The following MTUS1 variants were observed in gnomAD, a reference collection of about 807,000 sequenced individuals.
The protein encoded by MTUS1 is microtubule associated scaffold protein 1.
MTUS1 carries 109 observed loss-of-function variants against 120.8 expected under a neutral mutation model. The observed-to-expected ratio is 0.90, with a 90% CI of 0.77 to 1.06. The LOEUF (loss-of-function observed/expected upper bound fraction) is 1.06. Among genes scored for constraint, MTUS1 ranks in the 50% least tolerant of loss-of-function variants. MTUS1 has a pLI of 0.00. For missense variants in MTUS1, 2,210 were observed against 1,486.3 expected, an observed-to-expected ratio of 1.49 and a Z score of -8.01; for synonymous variants, 737 against 550.5, an observed-to-expected ratio of 1.34 and a Z score of -4.74.
chr8:17,651,243 T>A (rs1806927867), intron 12 of MTUS1, among the ~76,000 whole-genome samples: 1 of 152,054 alleles, frequency 6.6e-6, no homozygotes, highest in African/African-American at 2.4e-5. Flanking sequence ...CATACAAACA[T>A]ACAGTTAGAC....
intron 4 of MTUS1, chr8:17,721,864 G>T: frequency 6.2e-7 from 1 of 1,614,000 alleles, no homozygotes; most frequent in Non-Finnish European, 8.5e-7. Context: ...AGAAATATCA[G>T]TTTCTGTACA....
chr8:17,689,464 C>T (rs3862097), intron 6 of MTUS1, among the ~76,000 whole-genome samples: 21,271 of 152,084 alleles, frequency 0.14, 1,594 homozygotes, highest in South Asian at 0.26. Context: ...GGGTTAATTA[C>T]GCTTATAAAA....
At chr8:17,759,251 C>A (rs1489847923) in intron 1 of MTUS1, among the ~76,000 whole-genome samples, 1 of 151,604 alleles carries the variant, frequency 6.6e-6, no homozygotes, top group African/African-American at 2.4e-5. Flanking sequence ...TTTGTTTTTA[C>A]CAGTTGTCTT....
chr8:17,791,847 T>C (rs536660580), intron 1 of MTUS1, among the ~76,000 whole-genome samples: 2 of 152,314 alleles, frequency 1.3e-5, no homozygotes, highest in East Asian at 3.9e-4. Flanking sequence ...TCAGAAGATT[T>C]AATTTAAAAC....
At chr8:17,761,700 T>G (rs1192390633) in intron 1 of MTUS1, among the ~76,000 whole-genome samples, 1 of 152,230 alleles carries the variant, frequency 6.6e-6, no homozygotes, top group Non-Finnish European at 1.5e-5. Context: ...AGAACTGGCT[T>G]CATTACTTTA....
At chr8:17,747,039 TTTCAA>T (rs2047812170) in intron 2 of MTUS1, among the ~76,000 whole-genome samples, 1 of 152,204 alleles carries the variant, frequency 6.6e-6, no homozygotes, top group African/African-American at 2.4e-5. Flanking sequence ...TCTCTCCAGC[TTTCAA>T]TTCATCTTTT....
intron 1 of MTUS1, among the ~76,000 whole-genome samples, chr8:17,761,741 T>C (rs899556409): frequency 1.3e-5 from 2 of 152,218 alleles, no homozygotes; most frequent in East Asian, 3.9e-4. Flanking sequence ...TTACTACTTA[T>C]TTATGTTAAT....
chr8:17,734,428 G>A (rs1338710314), intron 3 of MTUS1, among the ~76,000 whole-genome samples: 1 of 152,068 alleles, frequency 6.6e-6, no homozygotes, highest in Non-Finnish European at 1.5e-5. Flanking sequence ...AACACGGCAA[G>A]TCTTAAGACT....
chr8:17,688,828 A>G, intron 6 of MTUS1, among the ~76,000 whole-genome samples: 1 of 152,230 alleles, frequency 6.6e-6, no homozygotes, highest in East Asian at 1.9e-4. Context: ...CTATTTACAT[A>G]TAATATTTTT....
chr8:17,775,582 T>C (rs1014557875), intron 1 of MTUS1, among the ~76,000 whole-genome samples: 3 of 152,254 alleles, frequency 2.0e-5, no homozygotes, highest in Non-Finnish European at 4.4e-5. Context: ...AGTTCTTTGT[T>C]AAAATCTTCA....
At chr8:17,698,846 C>T (rs184702499) in intron 6 of MTUS1, among the ~76,000 whole-genome samples, 25 of 152,180 alleles carry the variant, frequency 1.6e-4, no homozygotes, top group South Asian at 8.3e-4. Flanking sequence ...CATACACTGA[C>T]GAAAAACCTG....
At chr8:17,759,732 T>A (rs1438481463) in intron 1 of MTUS1, among the ~76,000 whole-genome samples, 2 of 150,674 alleles carry the variant, frequency 1.3e-5, no homozygotes, top group Non-Finnish European at 3.0e-5. Context: ...TCTGAAGCAT[T>A]TTCCCATGTC....
rs1197427422 is a variant in MTUS1 at position 17,742,275 on chromosome 8, TTTTTTTGTTGTTGTTG to T, written c.2287+1313_2287+1328del. ...CATGCTCTCATGCCCAGCTGTTTTT[TTTTTTTGTTGTTGTTG>T]TTTTTTTTTTTTTTTTTTTTAGAGA... On this transcript the variant is annotated intron_variant, in intron 3 of 14. Coordinates refer to ENST00000693296, the MANE Select transcript of MTUS1 (RefSeq NM_001363059.2). Among the ~76,000 whole-genome samples, 74 of 126,804 alleles carry T rather than the reference TTTTTTTGTTGTTGTTG, an allele frequency of 5.8e-4. 3 individuals are homozygous for T. Among genetic ancestry groups the T allele is most frequent in the African/African-American group, 2.1e-3 (67 of 31,734 alleles). The allele number at this position is 126,804 out of a possible 152,430, so 83.2% of individuals were successfully genotyped here.
At chr8:17,657,270 G>A (rs1427870833) in intron 8 of MTUS1, among the ~76,000 whole-genome samples, 1 of 151,696 alleles carries the variant, frequency 6.6e-6, no homozygotes, top group African/African-American at 2.4e-5. Context: ...TATAATTCAA[G>A]TATTTTAAGA....
intron 1 of MTUS1, among the ~76,000 whole-genome samples, chr8:17,777,574 A>G (rs1418905982): frequency 6.6e-6 from 1 of 152,194 alleles, no homozygotes; most frequent in Non-Finnish European, 1.5e-5. Flanking sequence ...ATCTCTACAG[A>G]GACGTGGATG....
At chr8:17,649,799 ATAT>A (rs1229398099) in intron 13 of MTUS1, 44 bp downstream of exon 13, 3 of 1,052,348 alleles carry the variant, frequency 2.9e-6, no homozygotes, top group Non-Finnish European at 4.5e-6. Context: ...AATTTCACAC[ATAT>A]TACCCCATTT....
At chr8:17,672,153 T>G (rs1239720056) in intron 8 of MTUS1, among the ~76,000 whole-genome samples, 1 of 152,190 alleles carries the variant, frequency 6.6e-6, no homozygotes, top group Non-Finnish European at 1.5e-5. Context: ...TAGGAATATT[T>G]AGTCTAATGA....
chr8:17,713,364 G>A, intron 5 of MTUS1, 112 bp from the exon 6 acceptor site: 1 of 678,958 alleles, frequency 1.5e-6, no homozygotes, highest in Non-Finnish European at 2.5e-6. Context: ...CTACATTTCA[G>A]GTTCCCGGTG....
At chr8:17,722,148 C>T in intron 4 of MTUS1, 1 of 1,161,722 alleles carries the variant, frequency 8.6e-7, no homozygotes. Context: ...GTATGGTAAA[C>T]CCCTTTGTTA....
Sources: gnomAD v4.1 joint callset for allele counts (sites outside exome capture counted in the v4.1 genomes callset) on GRCh38, gnomAD v4.1.1 for gene constraint, MANE v1.5 for transcripts, NCBI Gene and HGNC (gene_info 2026-07-23, HGNC 2026-07-21) for gene names.